The following SAMD11 variants were observed in gnomAD, a reference collection of about 807,000 sequenced individuals.
SAMD11 encodes sterile alpha motif domain containing 11.
A neutral mutation model predicts 64.4 loss-of-function variants in SAMD11; 77 were observed. That is an observed-to-expected ratio of 1.20 (90% CI 0.99 to 1.44). The LOEUF (loss-of-function observed/expected upper bound fraction) is 1.44, where lower values mean the gene tolerates loss of function less well. SAMD11 is among the 40% of genes most tolerant of loss of function. The pLI, the probability that SAMD11 is intolerant of heterozygous loss-of-function variation, is 0.00. For missense variants in SAMD11, 1,402 were observed against 943.3 expected, an observed-to-expected ratio of 1.49 and a Z score of -6.37; for synonymous variants, 658 against 421.9, an observed-to-expected ratio of 1.56 and a Z score of -6.86.
intron 4 of SAMD11, among the ~76,000 whole-genome samples, chr1:932,913 G>A (rs1641236245): frequency 6.6e-6 from 1 of 152,376 alleles, no homozygotes; most frequent in Middle Eastern, 3.4e-3. Context: ...CTGAGCTGGT[G>A]GGAAAATGGG....
intron 9 of SAMD11, 23 bp from the exon 10 acceptor site, chr1:942,387 C>T (rs767603555): frequency 2.2e-6 from 3 of 1,387,168 alleles, no homozygotes; most frequent in African/African-American, 1.5e-5. Context: ...CCCCCGACCC[C>T]GCGTTGTCCC....
At position 939,348 on chromosome 1, in the gene SAMD11, A is replaced by C; in HGVS notation, c.1131A>C (p.Ala377=). The C allele has an allele frequency of 6.2e-7, 1 of 1,612,076 alleles. No individual in the cohort carries two copies. The highest frequency in any genetic ancestry group is 8.5e-7 in the Non-Finnish European group (1 of 1,179,796). ...ACCATTACCGCCGGCTTGTGTCAGC[A>C]CTGAGCGAGGCCAGCACCTTTGAGG... ...PEDHYRRLVS[A]LSEASTFEDP... The change falls in exon 7 of 14, where the codon GCA becomes GCC. Residue 377 remains alanine, a synonymous_variant. Coordinates refer to ENST00000616016, the MANE Select transcript of SAMD11 (RefSeq NM_001385641.1).
rs770999837 is a variant in SAMD11, at chr1:944,018, G to A, written c.2400G>A (p.Gln800=). ...APERELGTGE[Q]PLSPTTATSP... ...AGCGAGAACTCGGCACAGGAGAGCA[G>A]CCCTTGTCCCCCACGACGGCCACGT... is the stretch of plus-strand genomic sequence containing the variant. Residue 800 remains glutamine, a synonymous_variant, in exon 14 of 14, where the codon CAG becomes CAA. Transcript: ENST00000616016. 2.5e-6 allele frequency: 4 copies of A among 1,612,782 alleles called. No individual in the cohort carries two copies. Among genetic ancestry groups the A allele is most frequent in the Admixed American group, 3.3e-5 (2 of 60,002 alleles).
At chr1:943,189 G>T (rs1641912590) in intron 11 of SAMD11, 64 bp from the exon 12 acceptor site, 10 of 1,607,046 alleles carry the variant, frequency 6.2e-6, no homozygotes, top group African/African-American at 1.3e-5. Flanking sequence ...GGCACACGAC[G>T]GTCAGGAGAC....
At chr1:943,190 G>C (rs1021247656) in intron 11 of SAMD11, 63 bp from the exon 12 acceptor site, 1 of 1,607,840 alleles carries the variant, frequency 6.2e-7, no homozygotes, top group South Asian at 1.1e-5. Flanking sequence ...GCACACGACG[G>C]TCAGGAGACG....
At chr1:940,568 G>C (rs1247988010) in intron 7 of SAMD11, 3 of 152,436 alleles carry the variant, frequency 2.0e-5, no homozygotes, top group Non-Finnish European at 4.4e-5. Flanking sequence ...CGAGAGACCT[G>C]GGACGCGGCG....
At chr1:935,702 C>T (rs1235578209) in intron 4 of SAMD11, 70 bp from the exon 5 acceptor site, 6 of 1,599,554 alleles carry the variant, frequency 3.8e-6, no homozygotes, top group African/African-American at 2.7e-5. Context: ...CTAGGCACTC[C>T]CTGTGCCCAG....
rs763002998 is a variant in SAMD11, at chr1:942,151, G to A, written c.1374G>A (p.Pro458=). ...CCGTCCACAGGGAGCTGCCTCAGCC[G>A]CCCCCCTTGCTGTCGCCGCAGAATG... ...PSFSERELPQ[P]PPLLSPQNAP... Residue 458 remains proline, a synonymous_variant, in exon 9 of 14, where the codon CCG becomes CCA. Transcript: ENST00000616016. The A allele has an allele frequency of 7.3e-6, 10 of 1,371,932 alleles. No individual in the cohort carries two copies. Among genetic ancestry groups the A allele is most frequent in the South Asian group, 2.9e-5 (2 of 69,510 alleles). 85.0% of individuals were successfully genotyped at this position (1,371,932 alleles called of 1,614,324 possible).
intron 7 of SAMD11, chr1:940,242 CGGGGGAGGGGCGCCGGCCGCCG>C (rs1431505511): frequency 7.0e-6 from 1 of 141,934 alleles, no homozygotes; most frequent in Non-Finnish European, 1.5e-5. Flanking sequence ...GCTGGCCGCG[CGGGGGAGGGGCGCCGGCCGCCG>C]GGGAGCGCGC....
chr1:939,198 C>G, intron 6 of SAMD11, 69 bp downstream of exon 6: 3 of 1,551,376 alleles, frequency 1.9e-6, no homozygotes, highest in Non-Finnish European at 2.6e-6. Context: ...TCCCCTGGAC[C>G]TCGAGCAGGC....
At chr1:936,307 G>A (rs956704213) in intron 5 of SAMD11, among the ~76,000 whole-genome samples, 5 of 124,474 alleles carry the variant, frequency 4.0e-5, no homozygotes, top group Non-Finnish European at 7.0e-5. Flanking sequence ...GACGGAGGGG[G>A]TCCCCGGTCC....
intron 4 of SAMD11, among the ~76,000 whole-genome samples, chr1:935,052 G>A (rs1256100430): frequency 6.6e-6 from 1 of 152,122 alleles, no homozygotes; most frequent in Non-Finnish European, 1.5e-5. Context: ...AACCGGGAAG[G>A]GGTGGAGGGC....
chr1:933,820 C>T (rs1197746118), intron 4 of SAMD11, among the ~76,000 whole-genome samples: 3 of 152,208 alleles, frequency 2.0e-5, no homozygotes, highest in Non-Finnish European at 2.9e-5. Flanking sequence ...AGGTTTAGAG[C>T]CCAGCCTGGG....
rs986970731 is a variant in SAMD11 at position 944,389 on chromosome 1, C to G, written c.*236C>G. 1 of 1,271,318 alleles carries G rather than the reference C, an allele frequency of 7.9e-7. No individual in the cohort carries two copies. 78.8% of individuals were successfully genotyped at this position (1,271,318 alleles called of 1,614,324 possible). ...GGAGGGCAGAGGTGGTGGAAGGGGC[C>G]AGGGGCCTGCAGGCCTCCCCCTGGA... On this transcript the variant is annotated 3_prime_UTR_variant, in exon 14 of 14. Transcript: ENST00000616016.
chr1:935,955 C>A (rs1157694220), intron 5 of SAMD11, 59 bp downstream of exon 5: 3 of 1,544,354 alleles, frequency 1.9e-6, no homozygotes, highest in African/African-American at 2.7e-5. Context: ...AGGACGGTGG[C>A]GTCTCCACTC....
At chr1:943,664 C>G in intron 12 of SAMD11, 34 bp from the exon 13 acceptor site, 1 of 1,505,936 alleles carries the variant, frequency 6.6e-7, no homozygotes, top group South Asian at 1.3e-5. Context: ...GGAGCAGCAC[C>G]CGGGTCCTGA....
intron 5 of SAMD11, among the ~76,000 whole-genome samples, chr1:938,812 C>G (rs560829153): frequency 1.3e-5 from 2 of 152,288 alleles, no homozygotes; most frequent in Middle Eastern, 3.4e-3. Flanking sequence ...TCTGCACACA[C>G]GCACCAGGGC....
chr1:932,613 GTTTC>G (rs5772025), intron 4 of SAMD11, among the ~76,000 whole-genome samples: 128,670 of 152,016 alleles, frequency 0.85, 58,247 homozygotes, highest in East Asian at 1. Context: ...CCATGTCTGT[GTTTC>G]TTTCAGCCTG....
intron 1 of SAMD11, 25 bp from the exon 2 acceptor site, chr1:925,897 G>T (rs755042307): frequency 6.4e-7 from 1 of 1,556,698 alleles, no homozygotes; most frequent in Non-Finnish European, 8.8e-7. Context: ...CTCCCTCACA[G>T]GGTCTGCCTC....
Sources: allele counts gnomAD v4.1 joint callset (sites outside exome capture counted in the v4.1 genomes callset), GRCh38; gene constraint gnomAD v4.1.1; transcripts MANE v1.5; gene names NCBI Gene and HGNC (gene_info 2026-07-23, HGNC 2026-07-21).